Variants in PDZD2 observed in about 807,000 individuals in gnomAD.
PDZD2 encodes the protein PDZ domain containing 2, also known as PDZ domain-containing protein 2.
Under a neutral mutation model 220.7 loss-of-function variants are expected in PDZD2, and 90 were observed. The observed-to-expected ratio is 0.41, with a 90% CI of 0.34 to 0.49. The LOEUF is 0.49. PDZD2 is among the 20% of genes least tolerant of loss of function. PDZD2 has a pLI of 0.28. For missense variants in PDZD2, 3,174 were observed against 3,608.5 expected (o/e 0.88, Z 3.08); for synonymous variants, 1,375 against 1,450.5 (o/e 0.95, Z 1.18).
At chr5:31,926,825 C>T (rs1744822501) in intron 2 of PDZD2, among the ~76,000 whole-genome samples, 3 of 151,086 alleles carry the variant, frequency 2.0e-5, no homozygotes, top group Admixed American at 1.3e-4. Flanking sequence ...CCTATGTGCC[C>T]ATTAATGCTA....
chr5:31,785,860 C>T (rs1047342603), intron 1 of PDZD2, among the ~76,000 whole-genome samples: 40 of 152,124 alleles, frequency 2.6e-4, no homozygotes, highest in African/African-American at 9.2e-4. Context: ...CGTCCTAGTT[C>T]CTCTCCATTT....
chr5:32,087,476 A>AC lies in PDZD2; in HGVS notation c.4033dup (p.Leu1345ProfsTer13), dbSNP rs1247572298. On this transcript the variant is annotated frameshift_variant, in exon 20 of 25. Transcript: ENST00000438447. LOFTEE classifies it high-confidence loss of function. The surrounding 1 kb of genome is among the most constrained non-coding windows in gnomAD (Gnocchi z 4.0). ...CCAGCTGGTGCTGTCCTGCCAGGAG[A>AC]CCCCCTCACATCCCAGGAGCAGAGA... The AC allele has an allele frequency of 1.2e-6, 2 of 1,613,358 alleles. No individual in the cohort carries two copies. Among genetic ancestry groups the AC allele is most frequent in the Admixed American group, 1.7e-5 (1 of 59,954 alleles).
At chr5:32,042,570 T>C (rs1756286691) in intron 7 of PDZD2, among the ~76,000 whole-genome samples, 1 of 152,114 alleles carries the variant, frequency 6.6e-6, no homozygotes, top group African/African-American at 2.4e-5. Flanking sequence ...AGACTCCATC[T>C]TAAAAAGAAA....
intron 22 of PDZD2, among the ~76,000 whole-genome samples, chr5:32,097,707 G>A (rs546737544): frequency 2.6e-4 from 40 of 152,128 alleles, no homozygotes; most frequent in African/African-American, 9.4e-4. Flanking sequence ...AATTACTCCC[G>A]TCTCAAAAAG....
intron 1 of PDZD2, among the ~76,000 whole-genome samples, chr5:31,763,487 A>G (rs1421725089): frequency 6.6e-6 from 1 of 152,206 alleles, no homozygotes; most frequent in African/African-American, 2.4e-5. Context: ...TTTACGAGCC[A>G]CAATGGAAGG....
intron 2 of PDZD2, among the ~76,000 whole-genome samples, chr5:31,856,042 A>G (rs894946295): frequency 6.6e-6 from 1 of 152,242 alleles, no homozygotes; most frequent in Non-Finnish European, 1.5e-5. Context: ...GTTTGGTATC[A>G]TAAGGGGATA....
At chr5:31,946,805 C>A (rs1746673209) in intron 2 of PDZD2, among the ~76,000 whole-genome samples, 1 of 152,224 alleles carries the variant, frequency 6.6e-6, no homozygotes, top group African/African-American at 2.4e-5. Flanking sequence ...AATCCTCCCA[C>A]CTTATTTTCA....
In PDZD2 at chr5:32,000,790, G is replaced by A. The variant is rs556770474; in HGVS notation, c.1254+519G>A. Among the ~76,000 whole-genome samples the A allele has an allele frequency of 6.6e-5, 10 of 152,288 alleles. No homozygotes were observed. The highest frequency in any genetic ancestry group is 7.4e-5 in the Non-Finnish European group (5 of 68,020). ...TTCCCAAAGTGCTGGGATTACAGGC[G>A]TGAGCCACCATGCCTGGCCCTTTAA... On this transcript the variant is annotated intron_variant, in intron 5 of 24. Coordinates refer to ENST00000438447, the MANE Select transcript of PDZD2 (RefSeq NM_178140.4). The surrounding 1 kb of genome is among the most constrained non-coding windows in gnomAD (Gnocchi z 4.5).
intron 2 of PDZD2, among the ~76,000 whole-genome samples, chr5:31,853,103 C>T (rs189703385): frequency 2.2e-4 from 34 of 152,312 alleles, no homozygotes; most frequent in Admixed American, 9.8e-4. Context: ...TAATGAAAGA[C>T]TACCACTTCC....
At position 32,104,215 on chromosome 5, in the gene PDZD2, G is replaced by A. The variant is rs150536714; in HGVS notation, c.8353+2976G>A. On this transcript the variant is annotated intron_variant, in intron 24 of 24. Transcript: ENST00000438447. ...TTGAGGTCAGGATTCACCTTATCTC[G>A]TATTTCATATTTACAAATTTCATGA... 6.1e-3 allele frequency among the ~76,000 whole-genome samples: 929 copies of A among 152,076 alleles called. 8 individuals are homozygous for A. Among genetic ancestry groups the A allele is most frequent in the Non-Finnish European group, 0.01 (704 of 67,994 alleles).
intron 2 of PDZD2, among the ~76,000 whole-genome samples, chr5:31,979,463 C>T (rs1750091031): frequency 6.6e-6 from 1 of 151,638 alleles, no homozygotes; most frequent in Non-Finnish European, 1.5e-5. Flanking sequence ...ACCTGTAATT[C>T]TAGCTACTCG....
chr5:32,071,510 GT>G (rs1740737779), intron 16 of PDZD2, 92 bp downstream of exon 16: 9 of 960,030 alleles, frequency 9.4e-6, no homozygotes, highest in Non-Finnish European at 1.5e-5. Context: ...CCCAGTCCCT[GT>G]TTCTGCCCAT....
At chr5:32,041,908 C>CAAAA (rs56157199) in intron 7 of PDZD2, among the ~76,000 whole-genome samples, 9 of 90,938 alleles carry the variant, frequency 9.9e-5, no homozygotes, top group East Asian at 6.7e-4. Flanking sequence ...AAAAAGAAAG[C>CAAAA]AAAAAAAAAA....
intron 2 of PDZD2, among the ~76,000 whole-genome samples, chr5:31,975,152 C>T (rs998044482): frequency 2.2e-4 from 34 of 152,198 alleles, no homozygotes; most frequent in South Asian, 1.0e-3. Context: ...TAGTTTTTCA[C>T]GCTGCTAATA....
At chr5:32,054,312 C>CTTTTTTTTTTTTTTTTTTTTTTTT (rs57135705) in intron 10 of PDZD2, among the ~76,000 whole-genome samples, 2 of 69,352 alleles carry the variant, frequency 2.9e-5, no homozygotes, top group African/African-American at 1.1e-4. Context: ...AAATGAACAT[C>CTTTTTTTTTTTTTTTTTTTTTTTT]TTTTTTTTTT....
intron 7 of PDZD2, among the ~76,000 whole-genome samples, chr5:32,048,174 C>T (rs1738160430): frequency 6.6e-6 from 1 of 152,166 alleles, no homozygotes; most frequent in African/African-American, 2.4e-5. Flanking sequence ...AACAATGAAA[C>T]TATACCAATC....
chr5:32,073,728 A>C, intron 17 of PDZD2, 104 bp from the exon 18 acceptor site: 1 of 752,790 alleles, frequency 1.3e-6, no homozygotes. Context: ...GTCTGGTGTT[A>C]GTGAATGTGG....
chr5:32,002,938 CACGAACACACACA>C (rs1350594091), intron 5 of PDZD2, among the ~76,000 whole-genome samples: 2 of 108,896 alleles, frequency 1.8e-5, no homozygotes, highest in Non-Finnish European at 3.7e-5. Context: ...CCTCACACAC[CACGAACACACACA>C]CACCACACAC....
intron 2 of PDZD2, among the ~76,000 whole-genome samples, chr5:31,980,931 G>A (rs1034207655): frequency 1.3e-5 from 2 of 152,068 alleles, no homozygotes; most frequent in Admixed American, 6.6e-5. Context: ...CTACAGCCGC[G>A]CACCACCATG....
Sources: allele counts gnomAD v4.1 joint callset (sites outside exome capture counted in the v4.1 genomes callset), GRCh38; gene constraint gnomAD v4.1.1; non-coding constraint Gnocchi (gnomAD v3.1); transcripts MANE v1.5; gene names NCBI Gene and HGNC (gene_info 2026-07-23, HGNC 2026-07-21).